Variants in AMZ1 observed in about 807,000 individuals in gnomAD.
The protein encoded by AMZ1 is archaelysin family metallopeptidase 1.
A neutral mutation model predicts 29.9 loss-of-function variants in AMZ1; 39 were observed. The ratio of observed to expected loss-of-function variants is 1.30; its 90% confidence interval spans 1.01 to 1.70. The LOEUF (loss-of-function observed/expected upper bound fraction) is 1.70, where lower values mean the gene tolerates loss of function less well. Ranked by LOEUF, AMZ1 falls within the 40% of genes most tolerant of loss-of-function variation. The probability of loss-of-function intolerance (pLI) is 0.00; values close to 1 mark genes in which losing one functional copy is unlikely to be tolerated. For synonymous variants in AMZ1, 458 were observed against 304.0 expected, an observed-to-expected ratio of 1.51 and a Z score of -5.27; for missense variants, 1,041 against 680.6, an observed-to-expected ratio of 1.53 and a Z score of -5.89.
chr7:2,755,299 G>A (rs1228937117), intron 4 of AMZ1, among the ~76,000 whole-genome samples: 1 of 152,184 alleles, frequency 6.6e-6, no homozygotes, highest in Non-Finnish European at 1.5e-5. Flanking sequence ...AAAAGATCTT[G>A]CTGCGATTTT....
intron 4 of AMZ1, among the ~76,000 whole-genome samples, chr7:2,738,399 C>T (rs530275563): frequency 6.6e-6 from 1 of 152,310 alleles, no homozygotes; most frequent in East Asian, 1.9e-4. Flanking sequence ...AAACTGTGAT[C>T]TCCACGCAGT....
At position 2,716,132 on chromosome 7, in the gene AMZ1, G is replaced by A. The variant is rs149941629; in HGVS notation, c.*3254G>A. ...ATCTGTATTGCTGTGTGTGCGATGAGTCTGGGGAAGCTAACACATGCCTTC... is the reference window on the plus strand; with the variant it reads ...ATCTGTATTGCTGTGTGTGCGATGAATCTGGGGAAGCTAACACATGCCTTC... On this transcript the variant is annotated 3_prime_UTR_variant, in exon 7 of 7. Transcript: ENST00000683327. 1 of 152,380 alleles carries A rather than the reference G, an allele frequency of 6.6e-6. No individual in the cohort carries two copies. The highest frequency in any genetic ancestry group is 1.5e-5 in the Non-Finnish European group (1 of 68,060). The allele number at this position is 152,380 out of a possible 1,614,324, so 9.4% of individuals were successfully genotyped here.
chr7:2,756,309 T>C (rs17132643), intron 4 of AMZ1, among the ~76,000 whole-genome samples: 4,447 of 152,288 alleles, frequency 0.029, 152 homozygotes, highest in African/African-American at 0.083. Flanking sequence ...TGATTCTAAC[T>C]ATGTCCTATA....
chr7:2,705,640 T>TA (rs2115134973), intron 3 of AMZ1, among the ~76,000 whole-genome samples: 1 of 152,314 alleles, frequency 6.6e-6, no homozygotes, highest in South Asian at 2.1e-4. Context: ...AGGGTACTGT[T>TA]ACAGGGAGCA....
At chr7:2,733,919 G>C (rs1431034479) in intron 4 of AMZ1, among the ~76,000 whole-genome samples, 1 of 152,210 alleles carries the variant, frequency 6.6e-6, no homozygotes, top group African/African-American at 2.4e-5. Flanking sequence ...TGGCCTAAGG[G>C]ACCCAAGACA....
rs765814680 is a variant in AMZ1, at chr7:2,702,872, G to T, written c.455G>T (p.Arg152Met). The change falls in exon 3 of 7, where the codon AGG becomes ATG. Residue 152 changes from arginine to methionine, a missense_variant. Coordinates refer to ENST00000683327, the MANE Select transcript of AMZ1 (RefSeq NM_001384743.1). ...CSSRPSRDSDRLQLHTDGILS... is the reference protein window; with the variant it reads ...CSSRPSRDSDMLQLHTDGILS... ...TCGCGGCCCAGCCGGGACTCTGACAGGCTCCAGCTCCACACAGGTGAGTGA... is the reference window on the plus strand; with the variant it reads ...TCGCGGCCCAGCCGGGACTCTGACATGCTCCAGCTCCACACAGGTGAGTGA... 1.3e-6 allele frequency: 2 copies of T among 1,587,842 alleles called. No homozygotes were observed. Among genetic ancestry groups the T allele is most frequent in the Admixed American group, 1.7e-5 (1 of 58,542 alleles).
At chr7:2,757,807 T>G (rs555905740) in intron 4 of AMZ1, among the ~76,000 whole-genome samples, 11 of 152,358 alleles carry the variant, frequency 7.2e-5, no homozygotes, top group African/African-American at 2.6e-4. Flanking sequence ...TAGTACGTAC[T>G]GAACGCTTGC....
chr7:2,701,654 C>T (rs760343113), intron 2 of AMZ1, among the ~76,000 whole-genome samples: 2 of 152,214 alleles, frequency 1.3e-5, no homozygotes, highest in Non-Finnish European at 2.9e-5. Context: ...GGGACGGGGG[C>T]CCTTGGGCTC....
intron 2 of AMZ1, among the ~76,000 whole-genome samples, chr7:2,701,717 G>T (rs547235707): frequency 1.3e-5 from 2 of 152,162 alleles, no homozygotes; most frequent in Admixed American, 1.3e-4. Flanking sequence ...CACGCCTTTC[G>T]GCATCTCGAC....
In AMZ1 at chr7:2,726,494, C is replaced by T. The variant is rs189343954; in HGVS notation, n.550+16678C>T. ...CCGGGTGAGAGCTCCTCAGGTGATT[C>T]GACTGTGTCCCCAGGGCAGAGAGCC... On this transcript the variant is annotated intron_variant and non_coding_transcript_variant, in intron 4 of 4. Coordinates refer to the AMZ1 transcript ENST00000489665. Among the ~76,000 whole-genome samples, 82 of 152,300 alleles carry T rather than the reference C, an allele frequency of 5.4e-4. 1 individual carries two copies. The highest frequency in any genetic ancestry group is 1.9e-3 in the African/African-American group (78 of 41,556).
chr7:2,756,135 A>T (rs1286379331), intron 4 of AMZ1, among the ~76,000 whole-genome samples: 1 of 152,248 alleles, frequency 6.6e-6, no homozygotes, highest in Non-Finnish European at 1.5e-5. Context: ...AGAGTGCAGA[A>T]ACAGGCCCCC....
chr7:2,753,793 A>T (rs1016135253), intron 4 of AMZ1, among the ~76,000 whole-genome samples: 1 of 151,896 alleles, frequency 6.6e-6, no homozygotes, highest in Non-Finnish European at 1.5e-5. Context: ...CTCCTGTGCC[A>T]TAAGTTTTTG....
Position 2,716,507 on chromosome 7 carries a change from T to TAAAC in AMZ1, c.*3631_*3634dup, listed in dbSNP as rs35029978. ...CGATGAACGAAATCTCCAAAAGCCTTAAACATAAAATGGCTTAGTCAAGCA... is the reference window on the plus strand; with the variant it reads ...CGATGAACGAAATCTCCAAAAGCCTTAAACAAACATAAAATGGCTTAGTCAAGCA... On this transcript the variant is annotated 3_prime_UTR_variant, in exon 7 of 7. Transcript: ENST00000683327. 5.2e-4 allele frequency: 13 copies of TAAAC among 25,228 alleles called. No individual in the cohort carries two copies. The highest frequency in any genetic ancestry group is 1.6e-3 in the East Asian group (5 of 3,152). 1.6% of individuals were successfully genotyped at this position (25,228 alleles called of 1,614,324 possible).
intron 4 of AMZ1, among the ~76,000 whole-genome samples, chr7:2,744,087 C>T (rs1184095782): frequency 1.3e-5 from 2 of 152,260 alleles, no homozygotes; most frequent in African/African-American, 4.8e-5. Flanking sequence ...GGTTCCCCCT[C>T]TGGGGGCAGG....
At chr7:2,744,061 C>A (rs1280834930) in intron 4 of AMZ1, among the ~76,000 whole-genome samples, 1 of 152,238 alleles carries the variant, frequency 6.6e-6, no homozygotes, top group Non-Finnish European at 1.5e-5. Flanking sequence ...CTCAAGGAGG[C>A]CTGCCTGCCT....
At chr7:2,751,530 G>A (rs2115363212) in intron 4 of AMZ1, among the ~76,000 whole-genome samples, 1 of 152,068 alleles carries the variant, frequency 6.6e-6, no homozygotes, top group Middle Eastern at 3.4e-3. Flanking sequence ...TAACAAAGAT[G>A]AGATAACAAT....
chr7:2,741,428 C>T (rs1275744251), intron 4 of AMZ1, among the ~76,000 whole-genome samples: 1 of 152,176 alleles, frequency 6.6e-6, no homozygotes, highest in Non-Finnish European at 1.5e-5. Context: ...GAGGCTTCCA[C>T]CACAGAATCT....
chr7:2,690,651 G>C (rs983865965), intron 1 of AMZ1, among the ~76,000 whole-genome samples: 18 of 152,092 alleles, frequency 1.2e-4, no homozygotes, highest in African/African-American at 4.3e-4. Context: ...ACTGCTTGCG[G>C]GTGTGCAAAC....
At chr7:2,742,005 G>T (rs1045885953) in intron 4 of AMZ1, among the ~76,000 whole-genome samples, 1 of 151,584 alleles carries the variant, frequency 6.6e-6, no homozygotes, top group Non-Finnish European at 1.5e-5. Context: ...CATTTAATCT[G>T]AAACACTTGA....
Sources: allele counts gnomAD v4.1 joint callset (sites outside exome capture counted in the v4.1 genomes callset), GRCh38; gene constraint gnomAD v4.1.1; transcripts MANE v1.5; gene names NCBI Gene and HGNC (gene_info 2026-07-23, HGNC 2026-07-21).